RNF216: variants seen among roughly 807,000 people sequenced by gnomAD.
RNF216 encodes E3 ubiquitin-protein ligase RNF216.
A neutral mutation model predicts 110.8 loss-of-function variants in RNF216; 72 were observed. The ratio of observed to expected loss-of-function variants is 0.65; its 90% CI spans 0.54 to 0.79. RNF216 has a LOEUF of 0.79. RNF216 is among the 30% of genes least tolerant of loss of function. RNF216 has a pLI of 0.00. For missense variants in RNF216, 1,342 were observed against 1,141.2 expected (o/e 1.18, Z -2.54); for synonymous variants, 495 against 407.5 (o/e 1.21, Z -2.59).
Position 5,624,146 on chromosome 7 carries a change from A to G in RNF216, c.2383-21T>C, listed in dbSNP as rs1477666416. 1.2e-6 allele frequency: 2 copies of G among 1,607,472 alleles called. No homozygotes were observed. Among genetic ancestry groups the G allele is most frequent in the Non-Finnish European group, 1.7e-6 (2 of 1,175,710 alleles). On this transcript the variant is annotated intron_variant, in intron 15 of 16. Coordinates refer to ENST00000389902, the MANE Select transcript of RNF216 (RefSeq NM_207111.4). The surrounding 1 kb of genome is among the most constrained non-coding windows in gnomAD (Gnocchi z 4.4). ...TCTTCCTAAAACGCAAGCAATGAGAAGGATGAACCTGTAGCTTCATGCAGT... is the reference window on the plus strand; with the variant it reads ...TCTTCCTAAAACGCAAGCAATGAGAGGGATGAACCTGTAGCTTCATGCAGT...
intron 13 of RNF216, among the ~76,000 whole-genome samples, chr7:5,706,690 T>G (rs1289814174): frequency 6.6e-6 from 1 of 152,256 alleles, no homozygotes; most frequent in African/African-American, 2.4e-5. Context: ...AGGAACATGC[T>G]GAGATCCTTT....
At position 5,712,836 on chromosome 7, in the gene RNF216, A is replaced by G. The variant is rs1270664493; in HGVS notation, c.1861T>C (p.Cys621Arg). Reference sequence around the variant, plus strand: ...TCACTGGTTGGGAACGAACACGTGCAGCTGCCTTCCATGCAGCTGAGCTCC... The same window carrying G: ...TCACTGGTTGGGAACGAACACGTGCGGCTGCCTTCCATGCAGCTGAGCTCC... ...KLELSCMEGS[C>R]TCSFPTSELE... The change falls in exon 12 of 17, where the codon TGC (cysteine) becomes CGC (arginine). Residue 621 changes from cysteine (C) to arginine (R), a missense_variant. Transcript: ENST00000389902. The G allele has an allele frequency of 6.2e-7, 1 of 1,614,060 alleles. No homozygotes were observed. Among genetic ancestry groups the G allele is most frequent in the Admixed American group, 1.7e-5 (1 of 59,992 alleles).
At chr7:5,655,589 G>A (rs886638229) in intron 13 of RNF216, among the ~76,000 whole-genome samples, 2 of 151,654 alleles carry the variant, frequency 1.3e-5, no homozygotes, top group African/African-American at 4.9e-5. Flanking sequence ...CTGGGCAACA[G>A]AGCAAGACTC....
Position 5,721,173 on chromosome 7 carries a change from C to G in RNF216, c.1505-1G>C. 1 of 1,613,748 alleles carries G rather than the reference C, an allele frequency of 6.2e-7. No individual in the cohort carries two copies. The highest frequency in any genetic ancestry group is 8.5e-7 in the Non-Finnish European group (1 of 1,179,916). On this transcript the variant is annotated splice_acceptor_variant, in intron 8 of 16. Coordinates refer to ENST00000389902, the MANE Select transcript of RNF216 (RefSeq NM_207111.4). LOFTEE classifies it high-confidence loss of function. Reference sequence around the variant, plus strand: ...ATCCTCTTTTCTATTTTTATGTCACCTAGAAGATATACGACAATGCAAAAG... The same window carrying G: ...ATCCTCTTTTCTATTTTTATGTCACGTAGAAGATATACGACAATGCAAAAG...
intron 5 of RNF216, among the ~76,000 whole-genome samples, chr7:5,739,030 A>G (rs1353536296): frequency 1.3e-5 from 2 of 152,230 alleles, no homozygotes; most frequent in Admixed American, 6.5e-5. Context: ...ATAGAAAGAA[A>G]GTAGGATGGT....
intron 13 of RNF216, among the ~76,000 whole-genome samples, chr7:5,687,836 A>G (rs1431385602): frequency 1.3e-5 from 2 of 152,210 alleles, no homozygotes; most frequent in Non-Finnish European, 2.9e-5. Context: ...TCTTCAGACA[A>G]CCCAGTGGGT....
chr7:5,625,910 A>G (rs138813469), intron 15 of RNF216, among the ~76,000 whole-genome samples: 97 of 152,374 alleles, frequency 6.4e-4, no homozygotes, highest in African/African-American at 2.3e-3. Flanking sequence ...GGTTTGGACT[A>G]AAAGGTCTCA....
At chr7:5,754,161 T>TGTGC (rs1554263566) in intron 2 of RNF216, among the ~76,000 whole-genome samples, 41 of 135,824 alleles carry the variant, frequency 3.0e-4, no homozygotes, top group East Asian at 2.8e-3. Flanking sequence ...TGTGTGTGTG[T>TGTGC]GCGCATTTGT....
At chr7:5,684,959 G>C (rs1215323838) in intron 13 of RNF216, among the ~76,000 whole-genome samples, 7 of 152,148 alleles carry the variant, frequency 4.6e-5, no homozygotes, top group Non-Finnish European at 1.0e-4. Context: ...ACAGGCTTCA[G>C]GATGTGCAGG....
chr7:5,769,347 A>C (rs890449262), intron 1 of RNF216, among the ~76,000 whole-genome samples: 2 of 151,826 alleles, frequency 1.3e-5, no homozygotes, highest in African/African-American at 4.8e-5. Context: ...CAATCTCTTG[A>C]CCCTGTGATC....
intron 8 of RNF216, among the ~76,000 whole-genome samples, chr7:5,724,918 T>C (rs1166282476): frequency 4.6e-5 from 7 of 152,350 alleles, no homozygotes; most frequent in Admixed American, 2.6e-4. Context: ...AACGTGGCTA[T>C]TAGCCATTCT....
chr7:5,682,491 C>T (rs1402236339), intron 13 of RNF216, among the ~76,000 whole-genome samples: 1 of 151,758 alleles, frequency 6.6e-6, no homozygotes, highest in African/African-American at 2.4e-5. Context: ...TACTGCAACC[C>T]CTGCTTCCTG....
intron 3 of RNF216, among the ~76,000 whole-genome samples, chr7:5,748,773 T>C (rs1424869288): frequency 2.0e-5 from 3 of 152,198 alleles, no homozygotes; most frequent in Admixed American, 1.3e-4. Flanking sequence ...AGTATGCTAT[T>C]AGTACTTAAG....
rs770228886 is a variant in RNF216 at position 5,741,179 on chromosome 7, G to C, written c.838C>G (p.Gln280Glu). ...GAGGGGCCTGAAATCCCACCTTGCT[G>C]GGGTTCCGGCCTTGGAAAAGCGGGC... ...PGPAFPRPEP[Q>E]QGGISGPSSP... The change falls in exon 4 of 17, where the codon CAG becomes GAG. Residue 280 changes from glutamine to glutamate, a missense_variant. By Grantham distance (29) the Gln-to-Glu change is conservative. Coordinates refer to ENST00000389902, the MANE Select transcript of RNF216 (RefSeq NM_207111.4). 1.2e-6 allele frequency: 2 copies of C among 1,614,130 alleles called. No individual in the cohort carries two copies. The highest frequency in any genetic ancestry group is 1.7e-5 in the Admixed American group (1 of 60,004).
intron 3 of RNF216, 146 bp downstream of exon 3, chr7:5,752,700 A>G: frequency 2.9e-6 from 2 of 699,044 alleles, no homozygotes; most frequent in Middle Eastern, 3.9e-4. Context: ...TTCTAAATCT[A>G]AGAGTACACG....
At chr7:5,648,811 C>G (rs897174896) in intron 14 of RNF216, among the ~76,000 whole-genome samples, 1 of 152,032 alleles carries the variant, frequency 6.6e-6, no homozygotes, top group Non-Finnish European at 1.5e-5. Context: ...CCAGCCAACT[C>G]TAGAAGACAT....
intron 1 of RNF216, among the ~76,000 whole-genome samples, chr7:5,763,121 A>C (rs1758523888): frequency 1.3e-5 from 2 of 152,190 alleles, no homozygotes; most frequent in South Asian, 2.1e-4. Context: ...GGGACAAAAA[A>C]AACAACAACC....
At chr7:5,623,642 C>T (rs969128860) in intron 16 of RNF216, among the ~76,000 whole-genome samples, 6 of 152,002 alleles carry the variant, frequency 3.9e-5, no homozygotes, top group African/African-American at 1.5e-4. Flanking sequence ...CTATTTTGCC[C>T]AGGCTAGCCC....
intron 14 of RNF216, 135 bp downstream of exon 14, chr7:5,652,278 T>G (rs987565701): frequency 9.3e-6 from 6 of 648,408 alleles, no homozygotes; most frequent in African/African-American, 7.2e-5. Flanking sequence ...AGGGTTAGAT[T>G]ACTTCCCCAA....
Sources: gnomAD v4.1 joint callset for allele counts (sites outside exome capture counted in the v4.1 genomes callset) on GRCh38, gnomAD v4.1.1 for gene constraint, Gnocchi (gnomAD v3.1) non-coding constraint, MANE v1.5 for transcripts, NCBI Gene and HGNC (gene_info 2026-07-23, HGNC 2026-07-21) for gene names.